Variants in MPPED2 observed in about 807,000 individuals in gnomAD.
MPPED2 encodes metallophosphoesterase domain containing 2, also known as metallophosphoesterase MPPED2.
A neutral mutation model predicts 33.0 loss-of-function variants in MPPED2; 5 were observed. That is an observed-to-expected ratio of 0.15 (90% confidence interval 0.08 to 0.32). The LOEUF is 0.32. MPPED2 is among the 10% of genes least tolerant of loss of function. MPPED2 has a pLI of 1.00. For synonymous variants in MPPED2, 136 were observed against 141.9 expected (o/e 0.96, Z 0.29); for missense variants, 275 against 372.1 (o/e 0.74, Z 2.15).
At chr11:30,490,849 C>T (rs1211329629) in intron 4 of MPPED2, among the ~76,000 whole-genome samples, 2 of 152,000 alleles carry the variant, frequency 1.3e-5, no homozygotes, top group Admixed American at 6.6e-5. Flanking sequence ...TGTAGCTAGA[C>T]CAAGCCACAA....
intron 3 of MPPED2, among the ~76,000 whole-genome samples, chr11:30,530,408 A>T (rs1487784847): frequency 1.3e-5 from 2 of 152,240 alleles, no homozygotes; most frequent in African/African-American, 4.8e-5. Flanking sequence ...GCATACCAAG[A>T]GCACTCATTA....
intron 2 of MPPED2, among the ~76,000 whole-genome samples, chr11:30,551,801 G>C (rs1443404669): frequency 6.6e-6 from 1 of 152,178 alleles, no homozygotes; most frequent in Non-Finnish European, 1.5e-5. Context: ...ATATGGGCAA[G>C]TTACTCAACC....
chr11:30,420,639 T>G (rs1267350239), intron 4 of MPPED2, among the ~76,000 whole-genome samples: 1 of 152,176 alleles, frequency 6.6e-6, no homozygotes, highest in Non-Finnish European at 1.5e-5. Flanking sequence ...CTCAGCTAGA[T>G]GCAGTGCTTT....
chr11:30,495,358 G>A lies in MPPED2; in HGVS notation c.474C>T (p.Asn158=), dbSNP rs192710641. ...DFDNVQSLLT[N]SIYLQDSEVT... is the part of the protein sequence containing the mutation. ...CCTCCGAATCTTGTAAGTAAATACT[G>A]TTTGTCAGGAGGGACTGAACATTGT... The change falls in exon 4 of 7, where the codon AAC becomes AAT. Residue 158 remains asparagine, a synonymous_variant. Transcript: ENST00000358117. 3 of 1,614,104 alleles carry A rather than the reference G, an allele frequency of 1.9e-6. No homozygotes were observed. The African/African-American group carries it at 4.0e-5, about 22-fold the overall frequency.
intron 4 of MPPED2, among the ~76,000 whole-genome samples, chr11:30,473,858 C>T (rs473241): frequency 0.1 from 15,428 of 152,146 alleles, 1,015 homozygotes; most frequent in South Asian, 0.24. Flanking sequence ...GAAACTGAGG[C>T]CTTCAGTCCA....
chr11:30,465,130 A>G (rs1175464751), intron 4 of MPPED2, among the ~76,000 whole-genome samples: 2 of 152,238 alleles, frequency 1.3e-5, no homozygotes, highest in African/African-American at 2.4e-5. Context: ...AGCAAATTAA[A>G]ATGATCTCAA....
At chr11:30,553,242 A>G (rs149942659) in intron 2 of MPPED2, among the ~76,000 whole-genome samples, 22 of 152,338 alleles carry the variant, frequency 1.4e-4, no homozygotes, top group African/African-American at 5.1e-4. Flanking sequence ...CACGTTCATT[A>G]TATTTTCTTT....
chr11:30,413,661 T>C (rs1948213225), intron 6 of MPPED2, among the ~76,000 whole-genome samples: 1 of 152,202 alleles, frequency 6.6e-6, no homozygotes, highest in South Asian at 2.1e-4. Flanking sequence ...AAGTCTGAAA[T>C]AGTTTTCTGA....
intron 4 of MPPED2, among the ~76,000 whole-genome samples, chr11:30,478,712 T>A (rs1039569148): frequency 2.0e-5 from 3 of 152,204 alleles, no homozygotes; most frequent in Non-Finnish European, 4.4e-5. Flanking sequence ...ACAGGGTCTA[T>A]GAAATGGCTA....
At chr11:30,443,658 C>G (rs2133911146) in intron 4 of MPPED2, among the ~76,000 whole-genome samples, 1 of 152,238 alleles carries the variant, frequency 6.6e-6, no homozygotes, top group South Asian at 2.1e-4. Flanking sequence ...GTAGAATGAA[C>G]TCAGGGAATG....
chr11:30,420,727 T>C (rs1400965207), intron 4 of MPPED2, among the ~76,000 whole-genome samples: 1 of 152,176 alleles, frequency 6.6e-6, no homozygotes, highest in Non-Finnish European at 1.5e-5. Context: ...CTGGGGATAA[T>C]GCCAGGTAGA....
At chr11:30,544,316 G>T (rs939511046) in intron 2 of MPPED2, among the ~76,000 whole-genome samples, 1 of 152,120 alleles carries the variant, frequency 6.6e-6, no homozygotes, top group African/African-American at 2.4e-5. Context: ...AAAATTCTGG[G>T]TAATGGCCTT....
intron 3 of MPPED2, among the ~76,000 whole-genome samples, chr11:30,496,595 A>C (rs1335090940): frequency 1.3e-5 from 2 of 152,034 alleles, no homozygotes; most frequent in Non-Finnish European, 2.9e-5. Flanking sequence ...GGAAGAATTA[A>C]AGTTACCACT....
At chr11:30,396,091 C>G (rs1264986831) in intron 6 of MPPED2, among the ~76,000 whole-genome samples, 1 of 152,152 alleles carries the variant, frequency 6.6e-6, no homozygotes, top group Non-Finnish European at 1.5e-5. Flanking sequence ...GATCTCTGAT[C>G]CATCCTCCTA....
intron 3 of MPPED2, among the ~76,000 whole-genome samples, chr11:30,518,280 T>G (rs949958864): frequency 2.0e-5 from 3 of 152,226 alleles, no homozygotes; most frequent in Non-Finnish European, 4.4e-5. Context: ...TCACCTGTGC[T>G]CTTCTGCTCC....
rs558803807 is a variant in MPPED2, at chr11:30,528,134, A to T, written c.310+7860T>A. On this transcript the variant is annotated intron_variant, in intron 3 of 6. Transcript: ENST00000358117. ...CTAATACCACACTGCCTTTTTATACACAATACACACACACACACATGCACA... is the reference window on the plus strand; with the variant it reads ...CTAATACCACACTGCCTTTTTATACTCAATACACACACACACACATGCACA... Among the ~76,000 whole-genome samples the T allele has an allele frequency of 3.8e-5, 5 of 132,546 alleles. No individual in the cohort carries two copies. The East Asian group carries it at 7.8e-4, about 21-fold the overall frequency. 87.0% of individuals were successfully genotyped at this position (132,546 alleles called of 152,430 possible). A position where few individuals can be genotyped will look rare whatever the true frequency, so the allele number is the denominator to read the frequency against.
intron 4 of MPPED2, among the ~76,000 whole-genome samples, chr11:30,473,964 T>C: frequency 6.6e-6 from 1 of 152,244 alleles, no homozygotes; most frequent in East Asian, 1.9e-4. Flanking sequence ...ACCACTATTC[T>C]GGACGACATC....
intron 2 of MPPED2, among the ~76,000 whole-genome samples, chr11:30,537,096 C>CA (rs1405529644): frequency 6.6e-6 from 1 of 152,112 alleles, no homozygotes; most frequent in East Asian, 1.9e-4. Flanking sequence ...TTGAGTGTAA[C>CA]AAAGTGTACT....
intron 4 of MPPED2, among the ~76,000 whole-genome samples, chr11:30,460,296 C>T (rs560036988): frequency 6.6e-6 from 1 of 152,272 alleles, no homozygotes; most frequent in African/African-American, 2.4e-5. Context: ...AACTTTCCCC[C>T]TCACCCCAAA....
Sources: gnomAD v4.1 joint callset for allele counts (sites outside exome capture counted in the v4.1 genomes callset) on GRCh38, gnomAD v4.1.1 for gene constraint, MANE v1.5 for transcripts, NCBI Gene and HGNC (gene_info 2026-07-23, HGNC 2026-07-21) for gene names.